The following RASL12 variants were observed in gnomAD, a reference collection of about 807,000 sequenced individuals.
RASL12 encodes RAS like family 12.
Under a neutral mutation model 22.9 loss-of-function variants are expected in RASL12, and 16 were observed. The ratio of observed to expected loss-of-function variants is 0.70; its 90% CI spans 0.47 to 1.06. RASL12 has a LOEUF of 1.06. Among genes scored for constraint, RASL12 ranks in the 50% least tolerant of loss-of-function variants. RASL12 has a pLI of 0.00. For missense variants in RASL12, 306 were observed against 353.1 expected (o/e 0.87, Z 1.07); for synonymous variants, 159 against 152.2 (o/e 1.04, Z -0.33).
intron 2 of RASL12, among the ~76,000 whole-genome samples, chr15:65,061,957 T>C (rs1014105013): frequency 1.3e-5 from 2 of 151,526 alleles, no homozygotes; most frequent in African/African-American, 2.4e-5. Context: ...GGCAGGCACC[T>C]GTAGTCCCAG....
At chr15:65,066,287 G>A (rs1430898677) in intron 1 of RASL12, among the ~76,000 whole-genome samples, 2 of 152,076 alleles carry the variant, frequency 1.3e-5, no homozygotes, top group Non-Finnish European at 2.9e-5. Context: ...AAAGTAATGG[G>A]ATGCCTGTAA....
At chr15:65,045,587 G>A in the RASL12 span, 2 of 152,324 alleles carry the variant, frequency 1.3e-5, no homozygotes, top group African/African-American at 2.4e-5. Context: ...TCCGGGGTGA[G>A]TGTCCTCATC....
chr15:65,058,643 C>T (rs773856441), intron 3 of RASL12, 26 bp from the exon 4 acceptor site: 24 of 1,469,632 alleles, frequency 1.6e-5, no homozygotes, highest in Non-Finnish European at 1.9e-5. Context: ...GAAGCCCCGC[C>T]GGGGGGCAGA....
intron 2 of RASL12, among the ~76,000 whole-genome samples, chr15:65,061,275 C>A (rs1394339363): frequency 6.6e-6 from 1 of 152,244 alleles, no homozygotes; most frequent in Non-Finnish European, 1.5e-5. Context: ...GGCTTCCAGG[C>A]TGGGCTGTGT....
chr15:65,058,726 T>C (rs1377119435), intron 3 of RASL12, 109 bp from the exon 4 acceptor site: 3 of 809,870 alleles, frequency 3.7e-6, no homozygotes, highest in Non-Finnish European at 5.4e-6. Flanking sequence ...TGTATATTGT[T>C]TCTCAGCAGA....
chr15:65,073,916 C>T (rs1029441256), intron 1 of RASL12, among the ~76,000 whole-genome samples: 5 of 152,144 alleles, frequency 3.3e-5, no homozygotes, highest in Non-Finnish European at 7.4e-5. Flanking sequence ...TTTCAGGAAG[C>T]CCTTCTTCCC....
At position 65,053,474 on chromosome 15, in the gene RASL12, CT is replaced by C; in HGVS notation, c.*1424del. On this transcript the variant is annotated 3_prime_UTR_variant, in exon 5 of 5. Coordinates refer to ENST00000220062, the MANE Select transcript of RASL12 (RefSeq NM_016563.4). The stretch of plus-strand genomic sequence containing the variant: ...TGGAGCAAAAGTGCAAAATCCGTAG[CT>C]GGCCTGTGGGTCGGGAAGCCTGTAG... 8.7e-7 allele frequency: 1 copy of C among 1,154,666 alleles called. No individual in the cohort carries two copies. The highest frequency in any genetic ancestry group is 1.1e-6 in the Non-Finnish European group (1 of 935,850). 71.5% of individuals were successfully genotyped at this position (1,154,666 alleles called of 1,614,324 possible). A position where few individuals can be genotyped will look rare whatever the true frequency, so the allele number is the denominator to read the frequency against.
chr15:65,066,020 A>G lies in RASL12; in HGVS notation c.104-747T>C, dbSNP rs72729031. Among the ~76,000 whole-genome samples the G allele has an allele frequency of 3.9e-3, 377 of 97,192 alleles. 2 individuals carry two copies. Among genetic ancestry groups the G allele is most frequent in the African/African-American group, 9.5e-3 (306 of 32,276 alleles). The allele number at this position is 97,192 out of a possible 152,430, so 63.8% of individuals were successfully genotyped here. ...TGCTTGTTTGGAAAGAAAGAAAAGA[A>G]AAGAGAAGAGAAGAGAAGAGTAGAG... On this transcript the variant is annotated intron_variant, in intron 1 of 4. Transcript: ENST00000220062.
At chr15:65,058,876 T>A (rs2086768443) in intron 3 of RASL12, among the ~76,000 whole-genome samples, 2 of 152,234 alleles carry the variant, frequency 1.3e-5, no homozygotes, top group African/African-American at 4.8e-5. Flanking sequence ...TCTGGCATGG[T>A]CCCTACAGAG....
intron 1 of RASL12, among the ~76,000 whole-genome samples, chr15:65,073,987 G>A (rs965218837): frequency 4.6e-5 from 7 of 152,138 alleles, no homozygotes; most frequent in Admixed American, 1.3e-4. Flanking sequence ...CTGGAGCCTC[G>A]CAGCAAGTGT....
intron 1 of RASL12, among the ~76,000 whole-genome samples, chr15:65,065,701 A>G (rs546450721): frequency 6.6e-6 from 1 of 152,288 alleles, no homozygotes; most frequent in East Asian, 1.9e-4. Flanking sequence ...AGCCAAAAAC[A>G]CAGGAAGAGC....
chr15:65,067,238 C>T (rs2086888585), intron 1 of RASL12, among the ~76,000 whole-genome samples: 1 of 151,948 alleles, frequency 6.6e-6, no homozygotes, highest in Non-Finnish European at 1.5e-5. Context: ...TTCCCCCAAG[C>T]CTAATCAGGG....
chr15:65,053,416 G>C lies in RASL12; in HGVS notation c.*1483C>G. On this transcript the variant is annotated 3_prime_UTR_variant, in exon 5 of 5. Coordinates refer to ENST00000220062, the MANE Select transcript of RASL12 (RefSeq NM_016563.4). ...TATTGCATAGTTTGTTCAGATGGCA[G>C]TGGTACACACACACATACACACACA... The C allele has an allele frequency of 7.6e-7, 1 of 1,310,896 alleles. No homozygotes were observed. The highest frequency in any genetic ancestry group is 1.7e-5 in the South Asian group (1 of 59,760). The allele number at this position is 1,310,896 out of a possible 1,614,324, so 81.2% of individuals were successfully genotyped here.
At chr15:65,065,015 C>T (rs2086859086) in intron 2 of RASL12, among the ~76,000 whole-genome samples, 1 of 152,106 alleles carries the variant, frequency 6.6e-6, no homozygotes, top group African/African-American at 2.4e-5. Context: ...TTAGGCCAAC[C>T]CCCCAGTTGT....
downstream of RASL12, chr15:65,052,924 C>T (rs370084456): frequency 1.1e-5 from 18 of 1,592,298 alleles, no homozygotes; most frequent in East Asian, 4.5e-5. Flanking sequence ...CCTGCCCCAA[C>T]CACTCAGCCC....
At chr15:65,060,191 A>C (rs2086785046) in intron 2 of RASL12, among the ~76,000 whole-genome samples, 1 of 152,182 alleles carries the variant, frequency 6.6e-6, no homozygotes, top group African/African-American at 2.4e-5. Context: ...GCTCTGTAAG[A>C]ACTGGATGGG....
chr15:65,049,644 G>C (rs111861479), downstream of RASL12: 179 of 162,358 alleles, frequency 1.1e-3, no homozygotes, highest in South Asian at 2.9e-3. Context: ...TCCTTTGCAA[G>C]GGTCCCAGAA....
chr15:65,070,088 A>G (rs1244942052), upstream of RASL12, among the ~76,000 whole-genome samples: 1 of 152,164 alleles, frequency 6.6e-6, no homozygotes, highest in African/African-American at 2.4e-5. Context: ...AACATGGTGA[A>G]ACCCTGTCTC....
At chr15:65,072,411 G>C (rs2086938117), upstream of RASL12, among the ~76,000 whole-genome samples, 1 of 152,190 alleles carries the variant, frequency 6.6e-6, no homozygotes, top group Non-Finnish European at 1.5e-5. Context: ...TCATACGTGA[G>C]GATCTATGCA....
Sources: gnomAD v4.1 joint callset for allele counts (sites outside exome capture counted in the v4.1 genomes callset) on GRCh38, gnomAD v4.1.1 for gene constraint, MANE v1.5 for transcripts, NCBI Gene and HGNC (gene_info 2026-07-23, HGNC 2026-07-21) for gene names.